Variants in OCA2 observed in about 807,000 individuals in gnomAD.
OCA2 encodes the protein P protein.
OCA2 carries 77 observed loss-of-function variants against 100.2 expected under a neutral mutation model. The observed-to-expected ratio is 0.77, with a 90% CI of 0.64 to 0.93. OCA2 has a LOEUF of 0.93. Among genes scored for constraint, OCA2 ranks in the 40% least tolerant of loss-of-function variants. OCA2 has a pLI of 0.00. For synonymous variants in OCA2, 432 were observed against 439.2 expected (o/e 0.98, Z 0.21); for missense variants, 1,062 against 1,089.1 (o/e 0.98, Z 0.35).
chr15:27,944,745 T>C (rs898757792), intron 18 of OCA2, among the ~76,000 whole-genome samples: 4 of 152,310 alleles, frequency 2.6e-5, no homozygotes, highest in South Asian at 2.1e-4. Flanking sequence ...CCCGCCATTC[T>C]TCCCCAAAAT....
chr15:27,814,935 G>C (rs911619312), intron 23 of OCA2, among the ~76,000 whole-genome samples: 7 of 145,098 alleles, frequency 4.8e-5, no homozygotes, highest in Admixed American at 2.7e-4. Flanking sequence ...TAGATAGATA[G>C]ATAGATAGAT....
At chr15:27,822,048 T>C (rs538753818) in intron 23 of OCA2, among the ~76,000 whole-genome samples, 1 of 152,224 alleles carries the variant, frequency 6.6e-6, no homozygotes, top group South Asian at 2.1e-4. Flanking sequence ...GAGCAGCCCA[T>C]AGGCAGTCAA....
intron 14 of OCA2, 129 bp downstream of exon 14, chr15:27,983,216 C>T (rs2041224518): frequency 8.9e-7 from 1 of 1,127,568 alleles, no homozygotes. Flanking sequence ...TTGAGATGCC[C>T]AGTAGCACTT....
chr15:27,728,061 A>G, the OCA2 span, among the ~76,000 whole-genome samples: 1 of 152,122 alleles, frequency 6.6e-6, no homozygotes, highest in Non-Finnish European at 1.5e-5. Context: ...AAAAATCTCA[A>G]TTCATCATAG....
At chr15:27,969,456 T>C (rs2040695081) in intron 14 of OCA2, among the ~76,000 whole-genome samples, 1 of 152,238 alleles carries the variant, frequency 6.6e-6, no homozygotes, top group Non-Finnish European at 1.5e-5. Flanking sequence ...TGGGACACCC[T>C]GCTGCTTTTA....
chr15:27,723,356 C>T, the OCA2 span, among the ~76,000 whole-genome samples: 1 of 152,146 alleles, frequency 6.6e-6, no homozygotes, highest in Non-Finnish European at 1.5e-5. Flanking sequence ...TGTGCACGCA[C>T]AAACACACGT....
chr15:27,870,786 GAAAA>G (rs1219483592), intron 21 of OCA2, among the ~76,000 whole-genome samples: 1 of 86,284 alleles, frequency 1.2e-5, no homozygotes, highest in Non-Finnish European at 2.2e-5. Flanking sequence ...AAGAAAGAAA[GAAAA>G]AGAAAGAAAG....
At chr15:27,849,560 T>A (rs1028071363) in intron 22 of OCA2, among the ~76,000 whole-genome samples, 5 of 148,856 alleles carry the variant, frequency 3.4e-5, no homozygotes, top group Admixed American at 6.7e-5. Flanking sequence ...AAAAGTTGTT[T>A]CAAAGTATCC....
intron 19 of OCA2, among the ~76,000 whole-genome samples, chr15:27,888,971 T>C (rs1242497086): frequency 6.6e-6 from 1 of 152,082 alleles, no homozygotes; most frequent in African/African-American, 2.4e-5. Context: ...CAGGGTAAGA[T>C]TAGGTTACTG....
At position 27,824,600 on chromosome 15, in the gene OCA2, CTCTATA is replaced by C. The variant is rs1249598931; in HGVS notation, c.2432+20353_2432+20358del. On this transcript the variant is annotated intron_variant, in intron 23 of 23. Coordinates refer to ENST00000354638, the MANE Select transcript of OCA2 (RefSeq NM_000275.3). ...AATTTCTCTCTCTCTCTCTCTCTCT[CTCTATA>C]TATATATATATATATAATATAATAT... Among the ~76,000 whole-genome samples, 13 of 38,508 alleles carry C rather than the reference CTCTATA, an allele frequency of 3.4e-4. 1 individual carries two copies. The highest frequency in any genetic ancestry group is 2.4e-3 in the African/African-American group (10 of 4,240). 25.3% of individuals were successfully genotyped at this position (38,508 alleles called of 152,430 possible).
At chr15:28,009,166 G>A (rs945532445) in intron 9 of OCA2, among the ~76,000 whole-genome samples, 5 of 152,124 alleles carry the variant, frequency 3.3e-5, no homozygotes, top group African/African-American at 9.7e-5. Context: ...GAAACATAAG[G>A]TAGAACATAC....
intron 5 of OCA2, among the ~76,000 whole-genome samples, 177 bp downstream of exon 5, chr15:28,024,668 G>A (rs747335767): frequency 5.9e-5 from 9 of 152,148 alleles, no homozygotes; most frequent in Admixed American, 3.3e-4. Flanking sequence ...CTGCGGCCTC[G>A]ACCCCCTCAG....
chr15:28,024,905 G>C lies in OCA2; in HGVS notation c.516-3C>G. The C allele has an allele frequency of 6.2e-7, 1 of 1,614,202 alleles. No individual in the cohort carries two copies. Among genetic ancestry groups the C allele is most frequent in the Non-Finnish European group, 8.5e-7 (1 of 1,180,008 alleles). ...CTTTCAGCCACTGCACACAGCGCCT[G>C]CAAGAGAAAAAGTAGGGCCTTAGTG... On this transcript the variant is annotated splice_region_variant and splice_polypyrimidine_tract_variant and intron_variant, in intron 4 of 23. Coordinates refer to ENST00000354638, the MANE Select transcript of OCA2 (RefSeq NM_000275.3).
chr15:28,005,523 C>A (rs1402814888), intron 9 of OCA2, among the ~76,000 whole-genome samples: 2 of 152,150 alleles, frequency 1.3e-5, no homozygotes, highest in East Asian at 3.9e-4. Flanking sequence ...CCATCCCTCA[C>A]CTTCCCCTAA....
At chr15:27,894,235 C>T (rs2037590757) in intron 19 of OCA2, among the ~76,000 whole-genome samples, 1 of 152,224 alleles carries the variant, frequency 6.6e-6, no homozygotes, top group Admixed American at 6.5e-5. Flanking sequence ...GTCTCCCACT[C>T]CCACCAGAGC....
intron 23 of OCA2, among the ~76,000 whole-genome samples, chr15:27,829,203 A>G (rs2034849011): frequency 6.6e-6 from 1 of 152,194 alleles, no homozygotes; most frequent in African/African-American, 2.4e-5. Flanking sequence ...TAGATGCTAA[A>G]TGAGTAGATA....
intron 11 of OCA2, among the ~76,000 whole-genome samples, 156 bp downstream of exon 11, chr15:27,989,445 C>T (rs1036752458): frequency 2.6e-5 from 4 of 152,158 alleles, no homozygotes; most frequent in Admixed American, 6.5e-5. Flanking sequence ...CATTCCATTC[C>T]TCCTCAGGAG....
chr15:28,071,543 A>G (rs958432537), intron 2 of OCA2, among the ~76,000 whole-genome samples: 4 of 152,248 alleles, frequency 2.6e-5, no homozygotes, highest in Non-Finnish European at 4.4e-5. Flanking sequence ...CAGAAACCAA[A>G]CAGCTTGGTA....
intron 15 of OCA2, among the ~76,000 whole-genome samples, chr15:27,962,128 T>C (rs899508414): frequency 6.6e-6 from 1 of 152,150 alleles, no homozygotes; most frequent in African/African-American, 2.4e-5. Context: ...TACAGATAGA[T>C]AAATAGAAGA....
Sources: allele counts gnomAD v4.1 joint callset (sites outside exome capture counted in the v4.1 genomes callset), GRCh38; gene constraint gnomAD v4.1.1; transcripts MANE v1.5; gene names NCBI Gene and HGNC (gene_info 2026-07-23, HGNC 2026-07-21).